The following IFNAR1 variants were observed in gnomAD, a reference collection of about 807,000 sequenced individuals.
IFNAR1 encodes the protein interferon alpha and beta receptor subunit 1, also known as interferon alpha/beta receptor 1.
IFNAR1 carries 47 observed loss-of-function variants against 62.1 expected under a neutral mutation model. That is an observed-to-expected ratio of 0.76 (90% CI 0.60 to 0.97). IFNAR1 has a LOEUF of 0.97. IFNAR1 is among the 50% of genes least tolerant of loss of function. The pLI is 0.00. For synonymous variants in IFNAR1, 219 were observed against 226.9 expected (o/e 0.97, Z 0.31); for missense variants, 638 against 654.5 (o/e 0.97, Z 0.27).
intron 6 of IFNAR1, among the ~76,000 whole-genome samples, chr21:33,346,802 G>A (rs2083352577): frequency 6.6e-6 from 1 of 152,214 alleles, no homozygotes; most frequent in Non-Finnish European, 1.5e-5. Context: ...GAAGCCATAA[G>A]GAAAGAGATA....
chr21:33,347,816 C>T (rs952038123), intron 6 of IFNAR1, among the ~76,000 whole-genome samples: 12 of 152,168 alleles, frequency 7.9e-5, no homozygotes, highest in Admixed American at 2.6e-4. Flanking sequence ...AGAATTTTGC[C>T]TTCTCCAGTG....
chr21:33,345,395 T>C lies in IFNAR1; in HGVS notation c.788+35T>C, dbSNP rs2123252245. On this transcript the variant is annotated intron_variant, in intron 6 of 10. Transcript: ENST00000270139. ...ATTCCATAAATTTCCTTTTGCCCAG[T>C]TTGTTTTGATTATGCTTCTTTTCGC... 2.7e-6 allele frequency: 3 copies of C among 1,131,360 alleles called. No homozygotes were observed. The Middle Eastern group carries it at 5.8e-4, about 220-fold the overall frequency. The allele number at this position is 1,131,360 out of a possible 1,614,324, so 70.1% of individuals were successfully genotyped here.
chr21:33,331,623 A>T (rs1201677180), intron 1 of IFNAR1, among the ~76,000 whole-genome samples: 1 of 152,100 alleles, frequency 6.6e-6, no homozygotes, highest in Admixed American at 6.5e-5. Context: ...GACAACAGCT[A>T]TGCTTCACCA....
At position 33,353,927 on chromosome 21, in the gene IFNAR1, A is replaced by G. The variant is rs1485703069; in HGVS notation, c.1440+144A>G. On this transcript the variant is annotated intron_variant, in intron 10 of 10. Transcript: ENST00000270139. ...GGTATCTTCTTCAAAGCTTTAGTCAATTAACTTTAAAAACAGTAATTTCAT... is the reference window on the plus strand; with the variant it reads ...GGTATCTTCTTCAAAGCTTTAGTCAGTTAACTTTAAAAACAGTAATTTCAT... The G allele has an allele frequency of 1.6e-5, 9 of 567,386 alleles. 1 individual carries two copies. The highest frequency in any genetic ancestry group is 2.7e-5 in the Non-Finnish European group (9 of 330,170). The allele number at this position is 567,386 out of a possible 1,614,324, so 35.1% of individuals were successfully genotyped here.
chr21:33,345,971 C>G (rs2083341773), intron 6 of IFNAR1, among the ~76,000 whole-genome samples: 1 of 152,214 alleles, frequency 6.6e-6, no homozygotes, highest in Non-Finnish European at 1.5e-5. Context: ...ATCGTCCCAG[C>G]TACTCAGTGG....
At chr21:33,345,508 A>G (rs2123252516) in intron 6 of IFNAR1, 148 bp downstream of exon 6, 1 of 639,240 alleles carries the variant, frequency 1.6e-6, no homozygotes, top group Non-Finnish European at 2.8e-6. Context: ...TCTCATTTCT[A>G]ACCCCAGTTC....
intron 8 of IFNAR1, among the ~76,000 whole-genome samples, chr21:33,352,076 A>G (rs77499692): frequency 3.4e-3 from 523 of 152,232 alleles, no homozygotes; most frequent in Middle Eastern, 0.017. Context: ...TCAGGTAGAG[A>G]GAAATTAAAT....
Position 33,333,614 on chromosome 21 carries a change from A to ATTTTTTT in IFNAR1, c.77-1905_77-1899dup, listed in dbSNP as rs59240203. ...CCATACTTAAAGAGACTGGCGGAATATTTTTTTTTTTCTTTTTTTTTTTTT... is the reference window on the plus strand; with the variant it reads ...CCATACTTAAAGAGACTGGCGGAATATTTTTTTTTTTTTTTTTTCTTTTTTTTTTTTT... On this transcript the variant is annotated intron_variant, in intron 1 of 10. Transcript: ENST00000270139. Among the ~76,000 whole-genome samples the ATTTTTTT allele has an allele frequency of 3.2e-4, 34 of 106,982 alleles. 1 individual carries two copies. The highest frequency in any genetic ancestry group is 8.2e-4 in the African/African-American group (20 of 24,424). The allele number at this position is 106,982 out of a possible 152,430, so 70.2% of individuals were successfully genotyped here.
At chr21:33,334,953 A>G in intron 1 of IFNAR1, 2 of 1,580,022 alleles carry the variant, frequency 1.3e-6, no homozygotes, top group Non-Finnish European at 8.7e-7. Flanking sequence ...CAGGGAGTAC[A>G]GCTGCTGTTG....
chr21:33,325,837 C>T (rs1016230534), intron 1 of IFNAR1, among the ~76,000 whole-genome samples: 1 of 152,140 alleles, frequency 6.6e-6, no homozygotes, highest in African/African-American at 2.4e-5. Flanking sequence ...GTCAGTTATG[C>T]AGATGCCTCT....
intron 1 of IFNAR1, among the ~76,000 whole-genome samples, chr21:33,328,071 G>A (rs17875766): frequency 0.011 from 1,661 of 152,272 alleles, 38 homozygotes; most frequent in African/African-American, 0.037. Context: ...ACACAAATTC[G>A]TAAACTTTCT....
intron 1 of IFNAR1, among the ~76,000 whole-genome samples, chr21:33,328,368 T>G (rs547558610): frequency 2.6e-5 from 4 of 152,322 alleles, no homozygotes; most frequent in Middle Eastern, 6.8e-3. Flanking sequence ...GAGGGTATAA[T>G]GAGGCATATC....
chr21:33,330,717 G>A (rs565138617), intron 1 of IFNAR1, among the ~76,000 whole-genome samples: 133 of 152,302 alleles, frequency 8.7e-4, no homozygotes, highest in African/African-American at 3.2e-3. Flanking sequence ...ATCCTAGTGA[G>A]CAGAGAAAAG....
chr21:33,351,127 T>C (rs2083393147), intron 8 of IFNAR1, among the ~76,000 whole-genome samples: 1 of 152,214 alleles, frequency 6.6e-6, no homozygotes, highest in Non-Finnish European at 1.5e-5. Context: ...ATATGTAAGG[T>C]ACTATGCTAA....
At chr21:33,331,418 G>C (rs894295790) in intron 1 of IFNAR1, among the ~76,000 whole-genome samples, 20 of 152,168 alleles carry the variant, frequency 1.3e-4, no homozygotes, top group African/African-American at 4.8e-4. Flanking sequence ...GCATCCCAGG[G>C]CTGAGCTGAT....
At chr21:33,326,515 A>G (rs1474893056) in intron 1 of IFNAR1, among the ~76,000 whole-genome samples, 1 of 152,100 alleles carries the variant, frequency 6.6e-6, no homozygotes, top group Non-Finnish European at 1.5e-5. Flanking sequence ...TATGTTTTAG[A>G]CTTTAGTTTT....
chr21:33,327,555 A>G (rs2083138106), intron 1 of IFNAR1, among the ~76,000 whole-genome samples: 1 of 152,214 alleles, frequency 6.6e-6, no homozygotes, highest in Non-Finnish European at 1.5e-5. Context: ...TTGGGGCTTA[A>G]CCAGACTAGA....
chr21:33,328,087 C>T (rs2083143154), intron 1 of IFNAR1, among the ~76,000 whole-genome samples: 2 of 152,170 alleles, frequency 1.3e-5, no homozygotes, highest in South Asian at 4.1e-4. Flanking sequence ...TTTCTTAAAA[C>T]ATGAGGGGTT....
At position 33,355,641 on chromosome 21, in the gene IFNAR1, G is replaced by A. The variant is rs2083440873; in HGVS notation, c.*92G>A. 1.6e-6 allele frequency: 1 copy of A among 628,180 alleles called. No individual in the cohort carries two copies. Among genetic ancestry groups the A allele is most frequent in the African/African-American group, 1.9e-5 (1 of 53,398 alleles). The allele number at this position is 628,180 out of a possible 1,614,324, so 38.9% of individuals were successfully genotyped here. A position where few individuals can be genotyped will look rare whatever the true frequency, so the allele number is the denominator to read the frequency against. ...ACCTTCCTCTCAGTAACTACAGAGA[G>A]GACGTTTCCCTGTTTAGGGAAAGAA... On this transcript the variant is annotated 3_prime_UTR_variant, in exon 11 of 11. Coordinates refer to ENST00000270139, the MANE Select transcript of IFNAR1 (RefSeq NM_000629.3).
Sources: gnomAD v4.1 joint callset for allele counts (sites outside exome capture counted in the v4.1 genomes callset) on GRCh38, gnomAD v4.1.1 for gene constraint, MANE v1.5 for transcripts, NCBI Gene and HGNC (gene_info 2026-07-23, HGNC 2026-07-21) for gene names.